The following EYS variants were observed in gnomAD, a reference collection of about 807,000 sequenced individuals.
The protein encoded by EYS is EGF-like photoreceptor maintenance factor.
A neutral mutation model predicts 282.1 loss-of-function variants in EYS; 250 were observed. The ratio of observed to expected loss-of-function variants is 0.89; its 90% CI spans 0.80 to 0.98. The LOEUF is 0.98. Ranked by LOEUF, EYS falls within the 50% of genes least tolerant of loss-of-function variation. The pLI is 0.00. For missense variants in EYS, 4,016 were observed against 3,709.0 expected, an observed-to-expected ratio of 1.08 and a Z score of -2.15; for synonymous variants, 1,355 against 1,282.9, an observed-to-expected ratio of 1.06 and a Z score of -1.20.
chr6:65,519,702 ATATATATTTTT>A (rs1241507584), intron 2 of EYS, among the ~76,000 whole-genome samples: 8 of 36,736 alleles, frequency 2.2e-4, no homozygotes, highest in African/African-American at 1.2e-3. Context: ...ATATATATAT[ATATATATTTTT>A]TTTTTTTTTT....
At chr6:63,855,435 C>T (rs1431641715) in intron 36 of EYS, among the ~76,000 whole-genome samples, 1 of 152,128 alleles carries the variant, frequency 6.6e-6, no homozygotes, top group Non-Finnish European at 1.5e-5. Context: ...ACTATTCACT[C>T]ACTGATTATA....
At chr6:64,045,256 A>T (rs893753622) in intron 33 of EYS, among the ~76,000 whole-genome samples, 1 of 152,022 alleles carries the variant, frequency 6.6e-6, no homozygotes, top group Non-Finnish European at 1.5e-5. Context: ...TTTTTCAGGA[A>T]TACTTTAAAA....
chr6:64,308,372 T>C (rs1336468579), intron 29 of EYS, among the ~76,000 whole-genome samples: 1 of 152,044 alleles, frequency 6.6e-6, no homozygotes, highest in Non-Finnish European at 1.5e-5. Context: ...ATTATACTAG[T>C]AATTACATGT....
intron 13 of EYS, among the ~76,000 whole-genome samples, chr6:65,001,565 T>G (rs1771468582): frequency 6.8e-6 from 1 of 147,964 alleles, no homozygotes; most frequent in Admixed American, 6.7e-5. Flanking sequence ...AAAAGGCAAC[T>G]TTTTGGGTGG....
chr6:64,607,387 A>T (rs777289194), intron 24 of EYS, among the ~76,000 whole-genome samples: 9 of 152,080 alleles, frequency 5.9e-5, no homozygotes, highest in Non-Finnish European at 1.2e-4. Flanking sequence ...AAATAACAGA[A>T]ATTTATTTCT....
rs148881134 is a variant in EYS at position 65,138,961 on chromosome 6, G to A, written c.2024-81234C>T. 3.8e-4 allele frequency among the ~76,000 whole-genome samples: 58 copies of A among 152,234 alleles called. 1 individual carries two copies. The highest frequency in any genetic ancestry group is 1.2e-3 in the African/African-American group (51 of 41,580). ...GACTCTGCCGAAGTTGTGGAGAAAA[G>A]TGAATGCTTATGCACTGCTAGTGGG... On this transcript the variant is annotated intron_variant, in intron 12 of 42. Coordinates refer to ENST00000503581, the MANE Select transcript of EYS (RefSeq NM_001142800.2).
intron 30 of EYS, among the ~76,000 whole-genome samples, chr6:64,277,840 T>A (rs994356600): frequency 6.6e-6 from 1 of 152,168 alleles, no homozygotes; most frequent in African/African-American, 2.4e-5. Context: ...TAGCATCTAG[T>A]CTAATCCATA....
intron 22 of EYS, among the ~76,000 whole-genome samples, chr6:64,712,241 C>A (rs929663577): frequency 6.6e-6 from 1 of 152,170 alleles, no homozygotes; most frequent in African/African-American, 2.4e-5. Context: ...TAAGAAATAT[C>A]CTTAACATTC....
intron 36 of EYS, among the ~76,000 whole-genome samples, chr6:63,831,364 G>A (rs963836865): frequency 1.3e-5 from 2 of 152,122 alleles, no homozygotes; most frequent in Non-Finnish European, 2.9e-5. Flanking sequence ...ATAAAGGGAT[G>A]AAGGAAGATC....
chr6:63,937,431 A>AGTG (rs1554189101), intron 35 of EYS, among the ~76,000 whole-genome samples: 2 of 116,278 alleles, frequency 1.7e-5, no homozygotes, highest in Non-Finnish European at 3.2e-5. Flanking sequence ...CCCAGGCTGG[A>AGTG]GTGCAGTGGC....
At chr6:65,480,167 T>A (rs909593830) in intron 5 of EYS, among the ~76,000 whole-genome samples, 6 of 151,664 alleles carry the variant, frequency 4.0e-5, no homozygotes, top group Non-Finnish European at 7.4e-5. Flanking sequence ...CCATCTCAAA[T>A]AAGTAAAATT....
chr6:63,926,464 A>G (rs754114925), intron 35 of EYS, among the ~76,000 whole-genome samples: 1 of 152,180 alleles, frequency 6.6e-6, no homozygotes, highest in South Asian at 2.1e-4. Context: ...TGGGCTCAGC[A>G]TGTCTTAGAG....
chr6:65,515,833 C>G (rs1178601703), intron 2 of EYS, among the ~76,000 whole-genome samples: 1 of 149,202 alleles, frequency 6.7e-6, no homozygotes, highest in Non-Finnish European at 1.5e-5. Flanking sequence ...GGAGATATAC[C>G]TAATGCTAAA....
intron 18 of EYS, among the ~76,000 whole-genome samples, chr6:64,896,999 A>C (rs2150069006): frequency 6.6e-6 from 1 of 152,262 alleles, no homozygotes; most frequent in Admixed American, 6.5e-5. Context: ...GGGACAGAGC[A>C]CCTGAGGGAA....
At chr6:65,260,641 T>C (rs1767595852) in intron 12 of EYS, among the ~76,000 whole-genome samples, 1 of 152,100 alleles carries the variant, frequency 6.6e-6, no homozygotes, top group Non-Finnish European at 1.5e-5. Flanking sequence ...CAATATATTA[T>C]AAATTTATAA....
intron 2 of EYS, among the ~76,000 whole-genome samples, chr6:65,552,811 G>A (rs577714309): frequency 6.6e-6 from 1 of 152,110 alleles, no homozygotes; most frequent in African/African-American, 2.4e-5. Context: ...TTAGAGCTAA[G>A]ATTCAAAATA....
At chr6:65,555,882 G>A (rs1225003916) in intron 2 of EYS, among the ~76,000 whole-genome samples, 1 of 152,010 alleles carries the variant, frequency 6.6e-6, no homozygotes, top group African/African-American at 2.4e-5. Context: ...ATCTCAATAA[G>A]GCAATTGAAA....
intron 8 of EYS, among the ~76,000 whole-genome samples, chr6:65,373,229 G>A (rs1049047279): frequency 6.6e-6 from 1 of 152,076 alleles, no homozygotes; most frequent in African/African-American, 2.4e-5. Context: ...TTGCTTCGGT[G>A]TCCCTGTCTG....
At chr6:65,459,968 T>A (rs867951086) in intron 5 of EYS, among the ~76,000 whole-genome samples, 2 of 80,670 alleles carry the variant, frequency 2.5e-5, no homozygotes, top group African/African-American at 7.9e-5. Context: ...TTTGTGTATT[T>A]TATATATATA....
Sources: allele counts gnomAD v4.1 joint callset (sites outside exome capture counted in the v4.1 genomes callset), GRCh38; gene constraint gnomAD v4.1.1; transcripts MANE v1.5; gene names NCBI Gene and HGNC (gene_info 2026-07-23, HGNC 2026-07-21).